B4GALT5: variants seen among roughly 807,000 people sequenced by gnomAD.
The protein encoded by B4GALT5 is beta-1,4-galactosyltransferase 5.
A neutral mutation model predicts 45.0 loss-of-function variants in B4GALT5; 11 were observed. That is an observed-to-expected ratio of 0.24 (90% CI 0.15 to 0.40). The LOEUF (loss-of-function observed/expected upper bound fraction) is 0.40. B4GALT5 is among the 10% of genes least tolerant of loss of function. The pLI is 1.00. For missense variants in B4GALT5, 337 were observed against 500.2 expected, an observed-to-expected ratio of 0.67 and a Z score of 3.11; for synonymous variants, 185 against 182.9, an observed-to-expected ratio of 1.01 and a Z score of -0.09.
rs1039935344 is a variant in B4GALT5 at position 49,634,596 on chromosome 20, A to T, written c.*1716T>A. On this transcript the variant is annotated 3_prime_UTR_variant, in exon 9 of 9. Transcript: ENST00000371711. ...ACTTCAAGGCTGGGCGCAATGGCTC[A>T]CACCCGCCCATAATCCCAGCACTTT... The T allele has an allele frequency of 6.6e-6, 1 of 152,194 alleles. No homozygotes were observed. The highest frequency in any genetic ancestry group is 1.5e-5 in the Non-Finnish European group (1 of 68,046). The allele number at this position is 152,194 out of a possible 1,614,324, so 9.4% of individuals were successfully genotyped here.
At chr20:49,710,673 C>T (rs2085905330) in intron 1 of B4GALT5, among the ~76,000 whole-genome samples, 1 of 152,100 alleles carries the variant, frequency 6.6e-6, no homozygotes, top group African/African-American at 2.4e-5. Flanking sequence ...CCACCTTAGC[C>T]TCCCAAAGTG....
intron 1 of B4GALT5, among the ~76,000 whole-genome samples, chr20:49,657,373 T>A (rs2085647804): frequency 6.6e-6 from 1 of 152,212 alleles, no homozygotes; most frequent in South Asian, 2.1e-4. Flanking sequence ...AGTGTTCAGA[T>A]TAACCTGCCA....
chr20:49,651,831 C>T (rs535437274), intron 2 of B4GALT5, among the ~76,000 whole-genome samples: 1 of 152,146 alleles, frequency 6.6e-6, no homozygotes, highest in Non-Finnish European at 1.5e-5. Flanking sequence ...GTAATCCCAG[C>T]ACTTTGGGAG....
chr20:49,651,273 G>A (rs997287164), intron 2 of B4GALT5, among the ~76,000 whole-genome samples: 3 of 151,998 alleles, frequency 2.0e-5, no homozygotes, highest in Admixed American at 6.6e-5. Flanking sequence ...GCAACAGAGC[G>A]AGACTTTGTC....
intron 1 of B4GALT5, among the ~76,000 whole-genome samples, chr20:49,675,267 T>C (rs965871707): frequency 2.6e-5 from 4 of 152,100 alleles, no homozygotes; most frequent in African/African-American, 7.2e-5. Context: ...CACCCCACAG[T>C]CAAGCTGAGA....
At position 49,663,633 on chromosome 20, in the gene B4GALT5, G is replaced by A. The variant is rs1202117707; in HGVS notation, c.116-6931C>T. 2.4e-5 allele frequency among the ~76,000 whole-genome samples: 3 copies of A among 127,656 alleles called. No individual in the cohort carries two copies. The Admixed American group carries it at 2.8e-4, about 12-fold the overall frequency. 83.7% of individuals were successfully genotyped at this position (127,656 alleles called of 152,430 possible). ...GTAGGAGGCTGGCTTGAGCCCAGGA[G>A]TTTAAGTCCAGCCAGAGCAACATAG... On this transcript the variant is annotated intron_variant, in intron 1 of 8. Transcript: ENST00000371711.
chr20:49,693,288 C>A (rs1237969205), intron 1 of B4GALT5, among the ~76,000 whole-genome samples: 1 of 152,230 alleles, frequency 6.6e-6, no homozygotes, highest in Non-Finnish European at 1.5e-5. Context: ...ATAACACTGA[C>A]TGCATATGCT....
Position 49,636,105 on chromosome 20 carries a change from C to A in B4GALT5, c.*207G>T, listed in dbSNP as rs147253525. The A allele has an allele frequency of 9.6e-6, 6 of 623,070 alleles. No homozygotes were observed. The highest frequency in any genetic ancestry group is 8.8e-5 in the East Asian group (3 of 34,082). 38.6% of individuals were successfully genotyped at this position (623,070 alleles called of 1,614,324 possible). Reference sequence around the variant, plus strand: ...AAAGCCAGTGCTGACGAAGGAAGTCCCCAAGCTCACTCCCTCAGTTCCAGC... The same window carrying A: ...AAAGCCAGTGCTGACGAAGGAAGTCACCAAGCTCACTCCCTCAGTTCCAGC... On this transcript the variant is annotated 3_prime_UTR_variant, in exon 9 of 9. Transcript: ENST00000371711.
At chr20:49,656,515 C>T (rs147381037) in intron 2 of B4GALT5, 53 bp downstream of exon 2, 13 of 1,593,988 alleles carry the variant, frequency 8.2e-6, no homozygotes, top group Non-Finnish European at 1.0e-5. Flanking sequence ...ACCGAATTTA[C>T]CTCTCTTGGG....
In B4GALT5 at chr20:49,635,350, C is replaced by CA. The variant is rs1388125992; in HGVS notation, c.*961dup. ...TTAGGCAGGAAGCAGCCTGCTCTAA[C>CA]AGCAGCCTCCCGCTTAGCGGAGAGT... On this transcript the variant is annotated 3_prime_UTR_variant, in exon 9 of 9. Transcript: ENST00000371711. 1 of 151,650 alleles carries CA rather than the reference C, an allele frequency of 6.6e-6. No homozygotes were observed. The highest frequency in any genetic ancestry group is 1.9e-4 in the East Asian group (1 of 5,164). The allele number at this position is 151,650 out of a possible 1,614,324, so 9.4% of individuals were successfully genotyped here.
intron 1 of B4GALT5, among the ~76,000 whole-genome samples, chr20:49,691,194 C>T (rs2085809609): frequency 6.6e-6 from 1 of 152,136 alleles, no homozygotes; most frequent in South Asian, 2.1e-4. Context: ...GCGGGGCAAT[C>T]AGCCAGCTTT....
chr20:49,635,058 T>C lies in B4GALT5; in HGVS notation c.*1254A>G, dbSNP rs1198185885. On this transcript the variant is annotated 3_prime_UTR_variant, in exon 9 of 9. Transcript: ENST00000371711. ...TCCTGGCTCCCTATTTGAGTGCTCC[T>C]TGGTTCTATGTATCAGTTACTAATG... The C allele has an allele frequency of 2.6e-5, 4 of 152,256 alleles. No individual in the cohort carries two copies. 9.4% of individuals were successfully genotyped at this position (152,256 alleles called of 1,614,324 possible). A position where few individuals can be genotyped will look rare whatever the true frequency, so the allele number is the denominator to read the frequency against.
intron 4 of B4GALT5, among the ~76,000 whole-genome samples, chr20:49,643,149 T>C (rs555175304): frequency 2.0e-4 from 30 of 152,220 alleles, no homozygotes; most frequent in Non-Finnish European, 4.0e-4. Flanking sequence ...TAAATCTCAA[T>C]GTCAAGCCAG....
chr20:49,712,451 T>C (rs552778017), intron 1 of B4GALT5, among the ~76,000 whole-genome samples: 6 of 142,208 alleles, frequency 4.2e-5, no homozygotes, highest in African/African-American at 1.3e-4. Flanking sequence ...TAAAAGACTA[T>C]GCTTGGGGCA....
At chr20:49,712,758 T>C (rs1182556616) in intron 1 of B4GALT5, among the ~76,000 whole-genome samples, 3 of 140,310 alleles carry the variant, frequency 2.1e-5, no homozygotes, top group Non-Finnish European at 3.0e-5. Flanking sequence ...AGGTCTTCAG[T>C]TGAGAAAGAA....
Position 49,691,867 on chromosome 20 carries a change from C to T in B4GALT5, c.115+21709G>A, listed in dbSNP as rs572085436. Among the ~76,000 whole-genome samples the T allele has an allele frequency of 1.4e-3, 219 of 151,988 alleles. 1 individual carries two copies. The highest frequency in any genetic ancestry group is 4.6e-3 in the African/African-American group (191 of 41,442). On this transcript the variant is annotated intron_variant, in intron 1 of 8. Coordinates refer to ENST00000371711, the MANE Select transcript of B4GALT5 (RefSeq NM_004776.4). The stretch of plus-strand genomic sequence containing the variant: ...TTTTTAAAATCCAAAATAAAGATAC[C>T]GGGGAAAAAACAAAACCCTAGGCAG...
intron 1 of B4GALT5, among the ~76,000 whole-genome samples, chr20:49,688,139 G>T (rs544996208): frequency 1.3e-5 from 2 of 152,260 alleles, no homozygotes; most frequent in Admixed American, 6.5e-5. Context: ...AATGTCTCAG[G>T]CCTGAAGAAA....
chr20:49,656,582 C>G lies in B4GALT5; in HGVS notation c.236G>C (p.Ser79Thr). The G allele has an allele frequency of 6.2e-7, 1 of 1,614,160 alleles. No homozygotes were observed. The highest frequency in any genetic ancestry group is 8.5e-7 in the Non-Finnish European group (1 of 1,180,018). ...TAAAAATATACCTGAGTCATTTACACTGCTGTTCCTCTTGGCATAAGCACT... is the reference window on the plus strand; with the variant it reads ...TAAAAATATACCTGAGTCATTTACAGTGCTGTTCCTCTTGGCATAAGCACT... ...LRSAYAKRNS[S>T]VNDSDYPLDL... Residue 79 changes from serine to threonine, a missense_variant, in exon 2 of 9, where the codon AGT becomes ACT. By Grantham distance (58) the Ser-to-Thr change is moderately conservative. Coordinates refer to ENST00000371711, the MANE Select transcript of B4GALT5 (RefSeq NM_004776.4).
intron 1 of B4GALT5, among the ~76,000 whole-genome samples, chr20:49,689,445 A>G (rs564487164): frequency 4.6e-5 from 7 of 152,222 alleles, no homozygotes; most frequent in Non-Finnish European, 7.3e-5. Context: ...CTTTTTTGAT[A>G]TCTAATCACC....
Sources: allele counts gnomAD v4.1 joint callset (sites outside exome capture counted in the v4.1 genomes callset), GRCh38; gene constraint gnomAD v4.1.1; transcripts MANE v1.5; gene names NCBI Gene and HGNC (gene_info 2026-07-23, HGNC 2026-07-21).